B9D1: variants seen among roughly 807,000 people sequenced by gnomAD.
B9D1 encodes B9 domain-containing protein 1.
A neutral mutation model predicts 26.1 loss-of-function variants in B9D1; 20 were observed. The ratio of observed to expected loss-of-function variants is 0.77; its 90% CI spans 0.54 to 1.12. B9D1 has a LOEUF of 1.12. Among genes scored for constraint, B9D1 ranks in the 50% most tolerant of loss-of-function variants. B9D1 has a pLI of 0.00. For synonymous variants in B9D1, 105 were observed against 103.1 expected, an observed-to-expected ratio of 1.02 and a Z score of -0.11; for missense variants, 260 against 273.7, an observed-to-expected ratio of 0.95 and a Z score of 0.35.
chr17:19,369,359 G>A (rs1051511522), intron 1 of B9D1, among the ~76,000 whole-genome samples: 2 of 152,212 alleles, frequency 1.3e-5, no homozygotes, highest in Non-Finnish European at 2.9e-5. Flanking sequence ...CGCGTTCGGT[G>A]TGTCATGCTG....
At chr17:19,335,530 TG>T, downstream of B9D1, 1 of 1,502,766 alleles carries the variant, frequency 6.7e-7, no homozygotes, top group South Asian at 1.2e-5. Flanking sequence ...GGGGATAATG[TG>T]GAAATGGCAG....
At chr17:19,344,435 A>T (rs1908440196) in intron 5 of B9D1, 1 of 241,914 alleles carries the variant, frequency 4.1e-6, no homozygotes. Context: ...CAGGCTGAGC[A>T]TGCGCCCTCC....
chr17:19,368,215 C>T (rs1911699369), intron 1 of B9D1, among the ~76,000 whole-genome samples: 2 of 152,208 alleles, frequency 1.3e-5, no homozygotes. Flanking sequence ...TATTCTGGGC[C>T]TCAAAATCTT....
intron 5 of B9D1, among the ~76,000 whole-genome samples, chr17:19,345,257 AC>A (rs1286452747): frequency 1.3e-5 from 2 of 151,972 alleles, no homozygotes; most frequent in African/African-American, 4.8e-5. Flanking sequence ...GGGCCCGACC[AC>A]CGGCCTGGCA....
intron 3 of B9D1, among the ~76,000 whole-genome samples, chr17:19,354,543 T>C (rs1214273735): frequency 6.6e-6 from 1 of 152,212 alleles, no homozygotes; most frequent in Non-Finnish European, 1.5e-5. Context: ...CAAGATTTTC[T>C]TTTTGGCTGG....
chr17:19,356,187 G>A (rs1356558498), intron 3 of B9D1, among the ~76,000 whole-genome samples: 1 of 152,022 alleles, frequency 6.6e-6, no homozygotes, highest in Non-Finnish European at 1.5e-5. Context: ...GACCTCCTAG[G>A]CTCCAGCGAT....
In B9D1 at chr17:19,359,617, G is replaced by A. The variant is rs1403192189; in HGVS notation, c.132+703C>T. Among the ~76,000 whole-genome samples the A allele has an allele frequency of 1.3e-5, 2 of 152,106 alleles. No individual in the cohort carries two copies. The highest frequency in any genetic ancestry group is 4.8e-5 in the African/African-American group (2 of 41,418). ...CTGGCTTACTAACATCCTAGAATAT[G>A]CACTCCTTATTATCTGACCCCCCAG... On this transcript the variant is annotated intron_variant, in intron 2 of 6. Coordinates refer to ENST00000261499, the MANE Select transcript of B9D1 (RefSeq NM_015681.6). The surrounding 1 kb of genome is among the most constrained non-coding windows in gnomAD (Gnocchi z 5.0).
chr17:19,348,044 G>A (rs544439306), intron 3 of B9D1, among the ~76,000 whole-genome samples, 164 bp from the exon 4 acceptor site: 1 of 152,306 alleles, frequency 6.6e-6, no homozygotes, highest in African/African-American at 2.4e-5. Flanking sequence ...CCCAGACTGT[G>A]CCAAAGACTT....
chr17:19,340,439 C>T (rs1241765124), downstream of B9D1, among the ~76,000 whole-genome samples: 2 of 72,968 alleles, frequency 2.7e-5, no homozygotes, highest in East Asian at 1.1e-3. Flanking sequence ...TCCCAAAGTG[C>T]TGGGATTACA....
Position 19,360,389 on chromosome 17 carries a change from C to A in B9D1, c.64-1G>T. On this transcript the variant is annotated splice_acceptor_variant, in intron 1 of 6. Coordinates refer to ENST00000261499, the MANE Select transcript of B9D1 (RefSeq NM_015681.6). LOFTEE classifies it high-confidence loss of function. Reference sequence around the variant, plus strand: ...AGTAGAGGTCATCATACTCTGGAAACTGAAAAAAGCACAGACAGATTCTGT... The same window carrying A: ...AGTAGAGGTCATCATACTCTGGAAAATGAAAAAAGCACAGACAGATTCTGT... 1 of 1,613,636 alleles carries A rather than the reference C, an allele frequency of 6.2e-7. No individual in the cohort carries two copies. Among genetic ancestry groups the A allele is most frequent in the Non-Finnish European group, 8.5e-7 (1 of 1,179,864 alleles).
intron 1 of B9D1, among the ~76,000 whole-genome samples, chr17:19,376,545 A>AG (rs1216311283): frequency 1.5e-5 from 2 of 133,490 alleles, no homozygotes; most frequent in African/African-American, 5.4e-5. Context: ...GGCCGGGAGC[A>AG]GGGGGGCGTG....
rs1826937137 is a variant in B9D1 at position 19,359,154 on chromosome 17, C to A, written c.132+1166G>T. On this transcript the variant is annotated intron_variant, in intron 2 of 6. Coordinates refer to ENST00000261499, the MANE Select transcript of B9D1 (RefSeq NM_015681.6). The surrounding 1 kb of genome is among the most constrained non-coding windows in gnomAD (Gnocchi z 5.0). The stretch of plus-strand genomic sequence containing the variant: ...TGGGCTGCCTGCTCTTGCCCTTTCC[C>A]CCCGAGTCTATCCTTGTCGTAGAAG... Among the ~76,000 whole-genome samples, 1 of 152,346 alleles carries A rather than the reference C, an allele frequency of 6.6e-6. No individual in the cohort carries two copies. Among genetic ancestry groups the A allele is most frequent in the South Asian group, 2.1e-4 (1 of 4,830 alleles).
At chr17:19,360,172 C>G (rs777058258) in intron 2 of B9D1, 148 bp downstream of exon 2, 6 of 767,306 alleles carry the variant, frequency 7.8e-6, no homozygotes, top group Non-Finnish European at 1.4e-5. Flanking sequence ...CCTCTGCTCC[C>G]GCTTTACCAG....
upstream of B9D1, among the ~76,000 whole-genome samples, chr17:19,366,393 T>G (rs916866143): frequency 6.6e-5 from 10 of 151,968 alleles, no homozygotes; most frequent in African/African-American, 2.4e-4. Context: ...CTCTGCCCCG[T>G]CTCAGGTAAG....
At chr17:19,377,851 G>A (rs1038861105) in intron 1 of B9D1, 4 of 985,438 alleles carry the variant, frequency 4.1e-6, no homozygotes, top group African/African-American at 1.7e-5. Flanking sequence ...CGAGCGGAGG[G>A]AAGATACCTA....
chr17:19,362,856 C>G (rs1382589319), upstream of B9D1: 1 of 677,548 alleles, frequency 1.5e-6, no homozygotes, highest in Non-Finnish European at 2.4e-6. Flanking sequence ...TCGGGTAAAG[C>G]CAGCCCTACC....
rs370600767 is a variant in B9D1, at chr17:19,354,797, C to T, written c.244+3043G>A. On this transcript the variant is annotated intron_variant, in intron 3 of 6. Transcript: ENST00000261499. The stretch of plus-strand genomic sequence containing the variant: ...GAGCCGAGATCGCGCCACTGCACTA[C>T]AGCCTGGGTGACAGAGCAAGACTCC... Among the ~76,000 whole-genome samples the T allele has an allele frequency of 3.9e-5, 6 of 152,164 alleles. No homozygotes were observed. In the South Asian group the frequency reaches 1.2e-3, roughly 32 times the overall value.
chr17:19,337,464 C>T (rs964360773), downstream of B9D1: 5 of 470,786 alleles, frequency 1.1e-5, no homozygotes, highest in South Asian at 3.0e-5. Flanking sequence ...CTGCAGCCCT[C>T]TGCTCTCTGT....
downstream of B9D1, chr17:19,337,598 T>C: frequency 3.3e-6 from 3 of 898,672 alleles, no homozygotes; most frequent in East Asian, 8.0e-5. Context: ...GAAAGAAGGG[T>C]GTGTGGGATG....
Sources: gnomAD v4.1 joint callset for allele counts (sites outside exome capture counted in the v4.1 genomes callset) on GRCh38, gnomAD v4.1.1 for gene constraint, Gnocchi (gnomAD v3.1) non-coding constraint, MANE v1.5 for transcripts, NCBI Gene and HGNC (gene_info 2026-07-23, HGNC 2026-07-21) for gene names.